Variants in EDARADD observed in about 807,000 individuals in gnomAD.
EDARADD encodes the protein ectodysplasin-A receptor-associated adapter protein.
Under a neutral mutation model 25.6 loss-of-function variants are expected in EDARADD, and 20 were observed. The ratio of observed to expected loss-of-function variants is 0.78; its 90% CI spans 0.55 to 1.14. EDARADD has a LOEUF of 1.14. Ranked by LOEUF, EDARADD falls within the 50% of genes most tolerant of loss-of-function variation. EDARADD has a pLI of 0.00. For synonymous variants in EDARADD, 86 were observed against 94.4 expected (o/e 0.91, Z 0.52); for missense variants, 225 against 270.1 (o/e 0.83, Z 1.17).
intron 3 of EDARADD, among the ~76,000 whole-genome samples, chr1:236,415,617 G>C (rs1327822226): frequency 3.9e-5 from 6 of 152,060 alleles, no homozygotes; most frequent in Non-Finnish European, 8.8e-5. Context: ...GGCTAATTTT[G>C]TATTTTTAGT....
At chr1:236,452,759 T>G (rs1334201777) in intron 4 of EDARADD, among the ~76,000 whole-genome samples, 1 of 152,130 alleles carries the variant, frequency 6.6e-6, no homozygotes, top group Non-Finnish European at 1.5e-5. Flanking sequence ...TAGCTGGTCT[T>G]GGGGTTTAAA....
intron 3 of EDARADD, among the ~76,000 whole-genome samples, chr1:236,381,992 A>T (rs2102996262): frequency 6.6e-6 from 1 of 151,390 alleles, no homozygotes; most frequent in East Asian, 1.9e-4. Flanking sequence ...CAATATGATT[A>T]TGTTGGGTTT....
chr1:236,369,932 C>A (rs1667156553), intron 3 of EDARADD, among the ~76,000 whole-genome samples: 1 of 152,190 alleles, frequency 6.6e-6, no homozygotes, highest in African/African-American at 2.4e-5. Flanking sequence ...CCTTCTGAAC[C>A]ACCACTTCTC....
At chr1:236,425,042 G>A (rs956925616) in intron 3 of EDARADD, among the ~76,000 whole-genome samples, 13 of 152,126 alleles carry the variant, frequency 8.5e-5, no homozygotes, top group Admixed American at 1.3e-4. Flanking sequence ...GGCCCCCGTC[G>A]CAGGCAGCCA....
At position 236,377,895 on chromosome 1, in the gene EDARADD, C is replaced by CT. The variant is rs912531940; in HGVS notation, c.-6+27061dup. ...ACAGAAAACAAAAAGCAAACTGTAACTTTTTGCCTTTTAGTATGTCTTATA... is the reference window on the plus strand; with the variant it reads ...ACAGAAAACAAAAAGCAAACTGTAACTTTTTTGCCTTTTAGTATGTCTTATA... On this transcript the variant is annotated intron_variant, in intron 3 of 7. Coordinates refer to the EDARADD transcript ENST00000439430. Among the ~76,000 whole-genome samples, 13 of 151,958 alleles carry CT rather than the reference C, an allele frequency of 8.6e-5. No individual in the cohort carries two copies. In the East Asian group the frequency reaches 1.9e-3, roughly 23 times the overall value.
Position 236,482,562 on chromosome 1 carries a change from C to T in EDARADD, c.561C>T (p.His187=), listed in dbSNP as rs768783242. The T allele has an allele frequency of 1.9e-6, 3 of 1,613,668 alleles. No individual in the cohort carries two copies. The highest frequency in any genetic ancestry group is 1.3e-5 in the African/African-American group (1 of 75,032). ...TGATGGAGCTCTGCAGGCTCTACCA[C>T]AGGGCCGACGTGGAGAAGGTTCTGC... ...GQLMELCRLY[H]RADVEKVLRR... Residue 187 remains histidine (H), a synonymous_variant, in exon 6 of 6, where the codon CAC becomes CAT. Coordinates refer to ENST00000334232, the MANE Select transcript of EDARADD (RefSeq NM_145861.4).
At chr1:236,389,407 C>G (rs1034848300), upstream of EDARADD, among the ~76,000 whole-genome samples, 20 of 152,304 alleles carry the variant, frequency 1.3e-4, no homozygotes, top group African/African-American at 4.1e-4. Flanking sequence ...GGAAACCAAA[C>G]ACTGCTCATG....
chr1:236,446,374 A>T (rs997485644), intron 4 of EDARADD, among the ~76,000 whole-genome samples: 3 of 152,110 alleles, frequency 2.0e-5, no homozygotes, highest in Admixed American at 6.6e-5. Context: ...ACATGGTGAA[A>T]CCCCGTCTCT....
At chr1:236,430,388 T>A (rs959508939) in intron 4 of EDARADD, among the ~76,000 whole-genome samples, 1 of 152,230 alleles carries the variant, frequency 6.6e-6, no homozygotes, top group Non-Finnish European at 1.5e-5. Flanking sequence ...GATAAAAGAA[T>A]GCTAAGTTTT....
chr1:236,372,260 T>C (rs1220192105), intron 3 of EDARADD, among the ~76,000 whole-genome samples: 1 of 152,120 alleles, frequency 6.6e-6, no homozygotes, highest in Admixed American at 6.6e-5. Context: ...CCAGCCCCAT[T>C]TTTTTCTTTT....
intron 3 of EDARADD, among the ~76,000 whole-genome samples, chr1:236,387,458 A>G (rs1667371689): frequency 2.5e-5 from 1 of 39,270 alleles, no homozygotes; most frequent in Non-Finnish European, 5.5e-5. Context: ...CTGGGAAGTG[A>G]GGAGCCCCTC....
In EDARADD at chr1:236,457,253, C is replaced by T. The variant is rs540137864; in HGVS notation, c.220-10978C>T. ...CAAGTTTACCGGGCACGGGGGCTCA[C>T]GCCTGTAATCCCAGCACTTTGGGAG... On this transcript the variant is annotated intron_variant, in intron 4 of 5. Transcript: ENST00000334232. 5.3e-5 allele frequency among the ~76,000 whole-genome samples: 8 copies of T among 152,350 alleles called. No homozygotes were observed. In the South Asian group the frequency reaches 6.2e-4, roughly 12 times the overall value.
intron 4 of EDARADD, among the ~76,000 whole-genome samples, chr1:236,428,821 G>A (rs1041355779): frequency 4.6e-5 from 7 of 151,916 alleles, no homozygotes; most frequent in Non-Finnish European, 8.8e-5. Context: ...CGGAGATCAC[G>A]CCACTGCACT....
intron 2 of EDARADD, among the ~76,000 whole-genome samples, chr1:236,413,162 C>A (rs1657543244): frequency 6.6e-6 from 1 of 152,246 alleles, no homozygotes; most frequent in South Asian, 2.1e-4. Context: ...CCGCACCCAG[C>A]CTCTTTTTGA....
At chr1:236,478,357 A>ATGTGTGTGTGTG (rs746114148) in intron 5 of EDARADD, among the ~76,000 whole-genome samples, 49 of 128,246 alleles carry the variant, frequency 3.8e-4, no homozygotes, top group Non-Finnish European at 6.3e-4. Flanking sequence ...ATCCATATAT[A>ATGTGTGTGTGTG]TATGTGTGTG....
chr1:236,353,021 C>A (rs2463205), intron 3 of EDARADD, among the ~76,000 whole-genome samples: 51,885 of 150,588 alleles, frequency 0.34, 9,155 homozygotes, highest in African/African-American at 0.43. Flanking sequence ...AAAAAAAAAA[C>A]AACAACAACA....
At chr1:236,361,249 G>T (rs1377688154) in intron 3 of EDARADD, among the ~76,000 whole-genome samples, 2 of 152,002 alleles carry the variant, frequency 1.3e-5, no homozygotes, top group Admixed American at 1.3e-4. Flanking sequence ...CAGTCCTTAA[G>T]CAACAATGAT....
intron 4 of EDARADD, among the ~76,000 whole-genome samples, chr1:236,449,330 G>A (rs760494214): frequency 3.2e-4 from 48 of 152,196 alleles, no homozygotes; most frequent in Admixed American, 2.8e-3. Flanking sequence ...TAGGGATTTT[G>A]CAGGGGACAC....
intron 4 of EDARADD, among the ~76,000 whole-genome samples, chr1:236,445,855 G>C (rs1372150434): frequency 6.6e-6 from 1 of 152,124 alleles, no homozygotes; most frequent in African/African-American, 2.4e-5. Flanking sequence ...CAGGTTTTCT[G>C]TCTTCAGGCT....
Sources: allele counts gnomAD v4.1 joint callset (sites outside exome capture counted in the v4.1 genomes callset), GRCh38; gene constraint gnomAD v4.1.1; transcripts MANE v1.5; gene names NCBI Gene and HGNC (gene_info 2026-07-23, HGNC 2026-07-21).